Variants in SGCD observed in about 807,000 individuals in gnomAD.
The protein encoded by SGCD is delta-sarcoglycan.
SGCD carries 18 observed loss-of-function variants against 36.6 expected under a neutral mutation model. The observed-to-expected ratio is 0.49, with a 90% CI of 0.34 to 0.73. The LOEUF (loss-of-function observed/expected upper bound fraction) is 0.73, where lower values mean the gene tolerates loss of function less well. SGCD is among the 30% of genes least tolerant of loss of function. The pLI is 0.01. For synonymous variants in SGCD, 133 were observed against 130.6 expected (o/e 1.02, Z -0.12); for missense variants, 387 against 346.7 (o/e 1.12, Z -0.92).
chr5:155,871,532 A>G (rs1235645438), intron 1 of SGCD, among the ~76,000 whole-genome samples: 2 of 152,140 alleles, frequency 1.3e-5, no homozygotes, highest in Non-Finnish European at 2.9e-5. Flanking sequence ...GTAAGTGAAC[A>G]CTTGTCATTG....
chr5:156,549,392 A>G (rs897857246), intron 4 of SGCD, among the ~76,000 whole-genome samples: 2 of 152,234 alleles, frequency 1.3e-5, no homozygotes, highest in Non-Finnish European at 2.9e-5. Context: ...ACTGTTGAAC[A>G]TACTTGGCTG....
intron 3 of SGCD, among the ~76,000 whole-genome samples, chr5:156,503,165 G>A (rs1011985243): frequency 1.1e-4 from 17 of 152,154 alleles, no homozygotes; most frequent in East Asian, 3.8e-4. Context: ...AACTGTGGTC[G>A]TTTCTGTACC....
intron 3 of SGCD, among the ~76,000 whole-genome samples, chr5:156,270,624 G>T (rs1766151333): frequency 6.6e-6 from 1 of 152,124 alleles, no homozygotes; most frequent in South Asian, 2.1e-4. Context: ...GACTTCAGAG[G>T]TATGTGATAT....
intron 3 of SGCD, among the ~76,000 whole-genome samples, chr5:156,192,566 G>A (rs1336411483): frequency 6.6e-6 from 1 of 151,878 alleles, no homozygotes; most frequent in African/African-American, 2.4e-5. Context: ...AGTAGAGTAG[G>A]GTGACTAGTT....
chr5:156,742,228 T>C (rs1156994515), intron 7 of SGCD, among the ~76,000 whole-genome samples: 2 of 152,142 alleles, frequency 1.3e-5, no homozygotes, highest in Non-Finnish European at 2.9e-5. Flanking sequence ...AACTCAGCGA[T>C]ACGGAAATAC....
At chr5:155,942,330 G>GTATCTATCTATCTATCTATCTATCTATC (rs1272237547) in intron 1 of SGCD, among the ~76,000 whole-genome samples, 17 of 135,602 alleles carry the variant, frequency 1.3e-4, no homozygotes, top group East Asian at 4.5e-4. Flanking sequence ...ATGTATGTAT[G>GTATCTATCTATCTATCTATCTATCTATC]TATGTATCTA....
intron 3 of SGCD, among the ~76,000 whole-genome samples, chr5:156,144,699 C>T (rs888409213): frequency 6.6e-6 from 1 of 152,304 alleles, no homozygotes; most frequent in South Asian, 2.1e-4. Context: ...CCTGTTCACT[C>T]TGATGGTAGT....
intron 7 of SGCD, among the ~76,000 whole-genome samples, chr5:156,709,396 A>G (rs1382495921): frequency 6.6e-6 from 1 of 152,126 alleles, no homozygotes; most frequent in African/African-American, 2.4e-5. Context: ...CCATACTAAC[A>G]CTGTTGTAAT....
chr5:156,176,715 AAC>A (rs765515024), intron 3 of SGCD, among the ~76,000 whole-genome samples: 48 of 152,328 alleles, frequency 3.2e-4, no homozygotes, highest in Non-Finnish European at 5.4e-4. Flanking sequence ...AAAAGACTCT[AAC>A]AATATGTTTT....
chr5:156,268,922 T>C (rs1290187063), intron 3 of SGCD, among the ~76,000 whole-genome samples: 2 of 152,132 alleles, frequency 1.3e-5, no homozygotes, highest in Admixed American at 1.3e-4. Flanking sequence ...TGATCAGTGA[T>C]GTTGAGCTTT....
At chr5:156,225,159 C>T (rs1195613765) in intron 3 of SGCD, among the ~76,000 whole-genome samples, 1 of 151,894 alleles carries the variant, frequency 6.6e-6, no homozygotes, top group Non-Finnish European at 1.5e-5. Flanking sequence ...TCAGAGGGCC[C>T]CTGCTCGAAA....
At chr5:155,774,653 C>A in the SGCD span, among the ~76,000 whole-genome samples, 1 of 152,112 alleles carries the variant, frequency 6.6e-6, no homozygotes, top group Non-Finnish European at 1.5e-5. Flanking sequence ...CCAATCTCTG[C>A]TTCTGGTACC....
At chr5:156,272,176 C>T (rs1169263126) in intron 3 of SGCD, among the ~76,000 whole-genome samples, 1 of 151,342 alleles carries the variant, frequency 6.6e-6, no homozygotes, top group South Asian at 2.1e-4. Flanking sequence ...TCTCAATCTT[C>T]CCCCCACTCT....
chr5:156,084,459 G>GATCT (rs1192722249), intron 1 of SGCD, among the ~76,000 whole-genome samples: 1 of 152,126 alleles, frequency 6.6e-6, no homozygotes, highest in African/African-American at 2.4e-5. Context: ...TCTCATCCAA[G>GATCT]TACCAACCAG....
At position 156,153,253 on chromosome 5, in the gene SGCD, G is replaced by GT. The variant is rs80302793; in HGVS notation, c.-44+29247dup. ...CAAAATCAAGTGAGTAAAAAATGTT[G>GT]TTTTTTTTTTTTTCCTGGGAAAAAT... On this transcript the variant is annotated intron_variant, in intron 3 of 9. Transcript: ENST00000517913. 4.3e-3 allele frequency among the ~76,000 whole-genome samples: 611 copies of GT among 140,778 alleles called. 2 individuals carry two copies. The highest frequency in any genetic ancestry group is 0.015 in the Middle Eastern group (4 of 262). The allele number at this position is 140,778 out of a possible 152,430, so 92.4% of individuals were successfully genotyped here. A position where few individuals can be genotyped will look rare whatever the true frequency, so the allele number is the denominator to read the frequency against.
intron 3 of SGCD, among the ~76,000 whole-genome samples, chr5:156,354,382 G>T (rs569552489): frequency 1.1e-3 from 171 of 152,170 alleles, no homozygotes; most frequent in Admixed American, 1.9e-3. Flanking sequence ...GGAAAGAGGG[G>T]ATGGGGAAAG....
chr5:156,297,455 G>A (rs1048471990), intron 3 of SGCD, among the ~76,000 whole-genome samples: 2 of 151,890 alleles, frequency 1.3e-5, no homozygotes, highest in African/African-American at 4.8e-5. Flanking sequence ...ATACTATGCA[G>A]CCATAAAAAA....
In SGCD at chr5:156,546,759, G is replaced by A. The variant is rs115178258; in HGVS notation, c.294+38057G>A. Among the ~76,000 whole-genome samples, 474 of 152,284 alleles carry A rather than the reference G, an allele frequency of 3.1e-3. 4 individuals carry two copies. Among genetic ancestry groups the A allele is most frequent in the African/African-American group, 0.011 (454 of 41,574 alleles). ...GACCAGAATGGAGCTAAAATTTGAG[G>A]CACAGGAAAAGTTATATCTTGACTT... On this transcript the variant is annotated intron_variant, in intron 4 of 8. Coordinates refer to ENST00000337851, the MANE Select transcript of SGCD (RefSeq NM_000337.6).
At chr5:156,497,690 C>T (rs1183001004) in intron 3 of SGCD, among the ~76,000 whole-genome samples, 1 of 151,552 alleles carries the variant, frequency 6.6e-6, no homozygotes, top group Non-Finnish European at 1.5e-5. Flanking sequence ...AATATATGAG[C>T]TTTAGCATTA....
Sources: gnomAD v4.1 joint callset for allele counts (sites outside exome capture counted in the v4.1 genomes callset) on GRCh38, gnomAD v4.1.1 for gene constraint, MANE v1.5 for transcripts, NCBI Gene and HGNC (gene_info 2026-07-23, HGNC 2026-07-21) for gene names.